The following MTMR7 variants were observed in gnomAD, a reference collection of about 807,000 sequenced individuals.
MTMR7 encodes the protein phosphatidylinositol-3-phosphate phosphatase MTMR7.
In MTMR7, 76 loss-of-function variants were observed where a neutral mutation model predicts 81.2. The ratio of observed to expected loss-of-function variants is 0.94; its 90% CI spans 0.78 to 1.13. MTMR7 has a LOEUF of 1.13. Among genes scored for constraint, MTMR7 ranks in the 50% most tolerant of loss-of-function variants. The probability of loss-of-function intolerance (pLI) is 0.00; values close to 1 mark genes in which losing one functional copy is unlikely to be tolerated. For synonymous variants in MTMR7, 372 were observed against 289.8 expected (o/e 1.28, Z -2.88); for missense variants, 1,044 against 820.0 (o/e 1.27, Z -3.34).
intron 7 of MTMR7, among the ~76,000 whole-genome samples, chr8:17,330,693 T>C (rs757774407): frequency 1.3e-5 from 2 of 152,196 alleles, no homozygotes; most frequent in African/African-American, 4.8e-5. Flanking sequence ...TGCATGTGTA[T>C]TGTGGTGGCT....
chr8:17,352,285 C>A (rs941889766), intron 4 of MTMR7, among the ~76,000 whole-genome samples: 3 of 152,108 alleles, frequency 2.0e-5, no homozygotes, highest in Non-Finnish European at 4.4e-5. Context: ...CAGAAGTAAA[C>A]CCTCATGTAT....
chr8:17,300,422 T>A lies in MTMR7; in HGVS notation c.1621-198A>T, dbSNP rs546346347. On this transcript the variant is annotated intron_variant, in intron 13 of 13. Coordinates refer to ENST00000180173, the MANE Select transcript of MTMR7 (RefSeq NM_004686.5). The stretch of plus-strand genomic sequence containing the variant: ...GCCTGCTTTATCTCTAATGTAAGGA[T>A]AATACCTGCCTTGACATAGGTTTTC... 6.7e-6 allele frequency: 4 copies of A among 597,490 alleles called. No individual in the cohort carries two copies. In the South Asian group the frequency reaches 6.8e-5, roughly 10 times the overall value. 37.0% of individuals were successfully genotyped at this position (597,490 alleles called of 1,614,324 possible).
At position 17,373,157 on chromosome 8, in the gene MTMR7, T is replaced by TATG; in HGVS notation, c.105_107dup (p.Ile36dup). On this transcript the variant is annotated inframe_insertion, in exon 2 of 14. Coordinates refer to ENST00000180173, the MANE Select transcript of MTMR7 (RefSeq NM_004686.5). ...TTGGGTCAGGTGAATTTTCCACGAA[T>TATG]ATGACATGGGTAGCCGTCAAATACA... The TATG allele has an allele frequency of 6.2e-7, 1 of 1,613,886 alleles. No homozygotes were observed. Among genetic ancestry groups the TATG allele is most frequent in the Non-Finnish European group, 8.5e-7 (1 of 1,179,826 alleles).
chr8:17,327,427 C>T (rs1012746566), intron 7 of MTMR7, among the ~76,000 whole-genome samples: 5 of 143,268 alleles, frequency 3.5e-5, no homozygotes, highest in East Asian at 4.2e-4. Flanking sequence ...CACACCACCA[C>T]GCCTGGTTGA....
At chr8:17,329,950 A>C (rs896141077) in intron 7 of MTMR7, among the ~76,000 whole-genome samples, 2 of 152,180 alleles carry the variant, frequency 1.3e-5, no homozygotes, top group African/African-American at 2.4e-5. Flanking sequence ...CAGATGTAGG[A>C]AGGGATTTCT....
chr8:17,366,618 G>A (rs968414930), intron 3 of MTMR7, among the ~76,000 whole-genome samples: 1 of 152,122 alleles, frequency 6.6e-6, no homozygotes, highest in Non-Finnish European at 1.5e-5. Context: ...CGGGCGCGGT[G>A]GCTCACGCCT....
intron 1 of MTMR7, among the ~76,000 whole-genome samples, chr8:17,403,240 GC>G (rs1350803561): frequency 6.6e-6 from 1 of 152,080 alleles, no homozygotes; most frequent in Non-Finnish European, 1.5e-5. Flanking sequence ...CTGTGAAGAA[GC>G]TTTTTAACTT....
At chr8:17,384,262 A>G (rs4520201) in intron 1 of MTMR7, among the ~76,000 whole-genome samples, 63,409 of 151,782 alleles carry the variant, frequency 0.42, 13,917 homozygotes, top group Admixed American at 0.57. Flanking sequence ...AAATAAAATA[A>G]TATCTAGGCA....
chr8:17,412,360 A>G lies in MTMR7; in HGVS notation c.24+909T>C, dbSNP rs975527766. 9.8e-5 allele frequency among the ~76,000 whole-genome samples: 15 copies of G among 152,308 alleles called. No homozygotes were observed. The East Asian group carries it at 1.7e-3, about 18-fold the overall frequency. ...GACCTGTCAGGGGCCTACATTTTGA[A>G]TGGAAGTTCATCCTGCAAAAACGCA... is the stretch of plus-strand genomic sequence containing the variant. On this transcript the variant is annotated intron_variant, in intron 1 of 13. Transcript: ENST00000180173.
rs1270786911 is a variant in MTMR7 at position 17,300,001 on chromosome 8, G to A, written c.1844C>T (p.Pro615Leu). ...TTGGTCACTGTTGGCTGACAGATCT[G>A]GATCTGAACTTTTCAGATTGTCTTG... ...LTQDNLKSSDPDLSANSDQES... is the reference protein window; with the variant it reads ...LTQDNLKSSDLDLSANSDQES... Residue 615 changes from proline to leucine, a missense_variant, in exon 14 of 14, where the codon CCA (proline) becomes CTA (leucine). Pro to Leu is a moderately conservative substitution (Grantham distance 98, BLOSUM62 -3). Transcript: ENST00000180173. 6.2e-7 allele frequency: 1 copy of A among 1,614,106 alleles called. No individual in the cohort carries two copies.
intron 7 of MTMR7, among the ~76,000 whole-genome samples, chr8:17,328,301 C>T (rs1352540478): frequency 1.3e-5 from 2 of 152,142 alleles, no homozygotes; most frequent in East Asian, 1.9e-4. Context: ...TTTCCACCTT[C>T]CTCTTCACCA....
intron 3 of MTMR7, among the ~76,000 whole-genome samples, chr8:17,364,308 C>T (rs1484452069): frequency 6.6e-6 from 1 of 152,126 alleles, no homozygotes; most frequent in Non-Finnish European, 1.5e-5. Flanking sequence ...GCTGGGATCA[C>T]AGGCGTGAGC....
chr8:17,330,630 T>C (rs1818951321), intron 7 of MTMR7, among the ~76,000 whole-genome samples: 1 of 152,216 alleles, frequency 6.6e-6, no homozygotes, highest in South Asian at 2.1e-4. Context: ...GTACGTGTCT[T>C]GTCATGTTCG....
At chr8:17,411,971 C>A (rs1348003483) in intron 1 of MTMR7, among the ~76,000 whole-genome samples, 2 of 152,202 alleles carry the variant, frequency 1.3e-5, no homozygotes, top group Non-Finnish European at 1.5e-5. Context: ...GTTAAATTCA[C>A]CCTTCTGGAA....
chr8:17,374,731 T>G (rs1820522701), intron 1 of MTMR7, among the ~76,000 whole-genome samples: 1 of 152,124 alleles, frequency 6.6e-6, no homozygotes, highest in South Asian at 2.1e-4. Flanking sequence ...GAAAATCACT[T>G]GAACCCTGGA....
chr8:17,367,806 C>T (rs1464505334), intron 3 of MTMR7, among the ~76,000 whole-genome samples: 3 of 151,904 alleles, frequency 2.0e-5, no homozygotes, highest in Non-Finnish European at 4.4e-5. Flanking sequence ...CCTCTGCTAA[C>T]AGCTGGAAAC....
At chr8:17,301,993 G>T in intron 13 of MTMR7, 161 bp downstream of exon 13, 1 of 878,358 alleles carries the variant, frequency 1.1e-6, no homozygotes, top group Non-Finnish European at 1.7e-6. Flanking sequence ...TTTGGGCTTC[G>T]GTTATCTGAG....
chr8:17,356,273 C>A (rs987735999), intron 4 of MTMR7, among the ~76,000 whole-genome samples: 1 of 152,078 alleles, frequency 6.6e-6, no homozygotes, highest in South Asian at 2.1e-4. Flanking sequence ...CTTAATCATA[C>A]GGATAGAGCA....
intron 7 of MTMR7, among the ~76,000 whole-genome samples, chr8:17,324,071 A>G (rs1818544493): frequency 6.6e-6 from 1 of 152,200 alleles, no homozygotes; most frequent in African/African-American, 2.4e-5. Context: ...TTTGACATCC[A>G]GTTAAAACAT....
Sources: gnomAD v4.1 joint callset for allele counts (sites outside exome capture counted in the v4.1 genomes callset) on GRCh38, gnomAD v4.1.1 for gene constraint, MANE v1.5 for transcripts, NCBI Gene and HGNC (gene_info 2026-07-23, HGNC 2026-07-21) for gene names.